BMP6: variants seen among roughly 807,000 people sequenced by gnomAD.
The protein encoded by BMP6 is bone morphogenetic protein 6, also known as VG-1-R.
A neutral mutation model predicts 54.1 loss-of-function variants in BMP6; 17 were observed. The observed-to-expected ratio is 0.31, with a 90% CI of 0.22 to 0.47. The LOEUF is 0.47. Ranked by LOEUF, BMP6 falls within the 20% of genes least tolerant of loss-of-function variation. The pLI, the probability that BMP6 is intolerant of heterozygous loss-of-function variation, is 1.00. For synonymous variants in BMP6, 328 were observed against 291.2 expected, an observed-to-expected ratio of 1.13 and a Z score of -1.28; for missense variants, 720 against 690.4, an observed-to-expected ratio of 1.04 and a Z score of -0.48.
At chr6:7,863,959 G>A (rs1056063499) in intron 4 of BMP6, among the ~76,000 whole-genome samples, 1 of 151,268 alleles carries the variant, frequency 6.6e-6, no homozygotes, top group African/African-American at 2.4e-5. Flanking sequence ...GGTGGAGGTT[G>A]CAGTGAGCCA....
intron 1 of BMP6, among the ~76,000 whole-genome samples, chr6:7,826,802 C>T (rs1436675406): frequency 6.6e-6 from 1 of 152,200 alleles, no homozygotes; most frequent in Non-Finnish European, 1.5e-5. Flanking sequence ...CATGGGAGCA[C>T]AGTCCTGTGT....
intron 4 of BMP6, among the ~76,000 whole-genome samples, chr6:7,876,412 A>G (rs1223103139): frequency 6.6e-6 from 1 of 152,200 alleles, no homozygotes; most frequent in African/African-American, 2.4e-5. Context: ...GAAAATTCCC[A>G]GTCATTATGT....
chr6:7,837,747 AC>A (rs998956097), intron 1 of BMP6, among the ~76,000 whole-genome samples: 1 of 152,188 alleles, frequency 6.6e-6, no homozygotes, highest in African/African-American at 2.4e-5. Flanking sequence ...TAAAAAACTT[AC>A]CCATATAACC....
In BMP6 at chr6:7,727,220, C is replaced by G; in HGVS notation, c.265C>G (p.Leu89Val). The change falls in exon 1 of 7, where the codon CTC (leucine) becomes GTC (valine). Residue 89 changes from leucine (L) to valine (V), a missense_variant. Leu to Val is a conservative substitution (Grantham distance 32). Around this residue, in one of 3 missense-constraint regions of BMP6, gnomAD observed 650 missense variants for 556.3 expected, o/e 1.17. Transcript: ENST00000283147. ...GAAGGAGATCTTGTCGGTGCTGGGG[C>G]TCCCGCACCGGCCCCGGCCCCTGCA... Reference protein sequence around the residue: ...MQKEILSVLGLPHRPRPLHGL... With the variant: ...MQKEILSVLGVPHRPRPLHGL... 1 of 1,605,544 alleles carries G rather than the reference C, an allele frequency of 6.2e-7. No individual in the cohort carries two copies. The highest frequency in any genetic ancestry group is 8.5e-7 in the Non-Finnish European group (1 of 1,176,770).
At chr6:7,830,181 C>A (rs34703953) in intron 1 of BMP6, among the ~76,000 whole-genome samples, 1 of 152,148 alleles carries the variant, frequency 6.6e-6, no homozygotes, top group Non-Finnish European at 1.5e-5. Flanking sequence ...ACTCTCTCCT[C>A]TCTCTCATAT....
intron 4 of BMP6, among the ~76,000 whole-genome samples, chr6:7,872,517 C>G (rs546664828): frequency 6.6e-6 from 1 of 152,322 alleles, no homozygotes; most frequent in East Asian, 1.9e-4. Context: ...CTCTCTGGCC[C>G]TGATCCTTAC....
chr6:7,746,836 C>G (rs1036915840), intron 1 of BMP6, among the ~76,000 whole-genome samples: 1 of 152,184 alleles, frequency 6.6e-6, no homozygotes, highest in Non-Finnish European at 1.5e-5. Flanking sequence ...CATCAGTGAG[C>G]TGGGCCTTGT....
In BMP6 at chr6:7,831,504, G is replaced by A. The variant is rs188877714; in HGVS notation, c.665-13636G>A. 2.6e-4 allele frequency among the ~76,000 whole-genome samples: 40 copies of A among 152,316 alleles called. No individual in the cohort carries two copies. In the East Asian group the frequency reaches 7.7e-3, roughly 29 times the overall value. ...GAAAGATAAAGGAAGGAATGTGTTAGGGGTCTATTGCTTTGAATTAAGGAT... is the reference window on the plus strand; with the variant it reads ...GAAAGATAAAGGAAGGAATGTGTTAAGGGTCTATTGCTTTGAATTAAGGAT... On this transcript the variant is annotated intron_variant, in intron 1 of 6. Transcript: ENST00000283147.
At chr6:7,775,427 G>T (rs1462824505) in intron 1 of BMP6, among the ~76,000 whole-genome samples, 1 of 152,196 alleles carries the variant, frequency 6.6e-6, no homozygotes, top group South Asian at 2.1e-4. Context: ...AACACCCATG[G>T]TGTTCACCAT....
intron 1 of BMP6, among the ~76,000 whole-genome samples, chr6:7,737,227 C>T (rs1425614009): frequency 1.3e-5 from 2 of 151,260 alleles, no homozygotes; most frequent in East Asian, 1.9e-4. Context: ...TGTCACTGGG[C>T]TTGAGAAATT....
chr6:7,761,894 A>ATTTCT (rs1354795178), intron 1 of BMP6, among the ~76,000 whole-genome samples: 1 of 151,646 alleles, frequency 6.6e-6, no homozygotes, highest in Non-Finnish European at 1.5e-5. Flanking sequence ...CTCCCCTTGG[A>ATTTCT]TTTCTTTTCT....
At chr6:7,813,108 AATATATATATATATATATATAT>A (rs1182296124) in intron 1 of BMP6, among the ~76,000 whole-genome samples, 21 of 21,500 alleles carry the variant, frequency 9.8e-4, no homozygotes, top group African/African-American at 3.7e-3. Flanking sequence ...AAAAAAAAAA[AATATATATATATATATATATAT>A]ATATATATAT....
chr6:7,843,880 G>C (rs528895584), intron 1 of BMP6, among the ~76,000 whole-genome samples: 43 of 152,184 alleles, frequency 2.8e-4, no homozygotes, highest in African/African-American at 1.0e-3. Context: ...TTTTAAAAAC[G>C]TATTTTTTCT....
intron 1 of BMP6, among the ~76,000 whole-genome samples, chr6:7,817,608 A>C (rs1357728890): frequency 1.3e-5 from 2 of 151,718 alleles, no homozygotes. Flanking sequence ...TAGCATTAGG[A>C]GATATACCTA....
intron 1 of BMP6, among the ~76,000 whole-genome samples, chr6:7,759,712 TTTTTTTTTG>T (rs1177486370): frequency 8.1e-5 from 11 of 136,150 alleles, no homozygotes; most frequent in African/African-American, 2.6e-4. Context: ...TTTTTTTTTT[TTTTTTTTTG>T]GAGACTGAAT....
At chr6:7,845,463 TG>T in intron 2 of BMP6, 131 bp downstream of exon 2, 1 of 753,228 alleles carries the variant, frequency 1.3e-6, no homozygotes, top group Non-Finnish European at 2.0e-6. Context: ...TACGATGAGG[TG>T]GGTGTTGTAA....
chr6:7,846,793 T>C (rs79400669), intron 2 of BMP6, among the ~76,000 whole-genome samples: 1 of 152,218 alleles, frequency 6.6e-6, no homozygotes, highest in East Asian at 1.9e-4. Context: ...CTGTTGATAC[T>C]TCAGAGATAA....
intron 1 of BMP6, among the ~76,000 whole-genome samples, chr6:7,825,324 G>A (rs983060356): frequency 1.7e-4 from 26 of 152,198 alleles, no homozygotes; most frequent in African/African-American, 6.0e-4. Flanking sequence ...GAATGAAAAT[G>A]TGTAGACTTT....
intron 1 of BMP6, among the ~76,000 whole-genome samples, chr6:7,778,374 G>C (rs995730510): frequency 6.6e-6 from 1 of 152,198 alleles, no homozygotes; most frequent in Non-Finnish European, 1.5e-5. Flanking sequence ...CCTTGAGGTA[G>C]TTGCTGTTAT....
Sources: allele counts gnomAD v4.1 joint callset (sites outside exome capture counted in the v4.1 genomes callset), GRCh38; gene constraint gnomAD v4.1.1; regional missense constraint gnomAD v4.1.1; transcripts MANE v1.5; gene names NCBI Gene and HGNC (gene_info 2026-07-23, HGNC 2026-07-21).